The following TDP1 variants were observed in gnomAD, a reference collection of about 807,000 sequenced individuals.
TDP1 encodes the protein tyr-DNA phosphodiesterase 1.
In TDP1, 64 loss-of-function variants were observed where a neutral mutation model predicts 81.5. That is an observed-to-expected ratio of 0.79 (90% CI 0.64 to 0.97). The LOEUF is 0.97. Ranked by LOEUF, TDP1 falls within the 50% of genes least tolerant of loss-of-function variation. The probability of loss-of-function intolerance (pLI) is 0.00; values close to 1 mark genes in which losing one functional copy is unlikely to be tolerated. For missense variants in TDP1, 723 were observed against 743.8 expected (o/e 0.97, Z 0.33); for synonymous variants, 256 against 264.3 (o/e 0.97, Z 0.30).
chr14:89,965,652 G>A (rs1294620942), intron 3 of TDP1: 2 of 349,468 alleles, frequency 5.7e-6, no homozygotes, highest in Non-Finnish European at 8.0e-6. Flanking sequence ...CCAGGAATGT[G>A]AGTTGATAAT....
intron 14 of TDP1, among the ~76,000 whole-genome samples, chr14:90,001,574 C>G (rs1897189134): frequency 6.6e-6 from 1 of 152,180 alleles, no homozygotes; most frequent in Non-Finnish European, 1.5e-5. Context: ...GGCAGATTGG[C>G]TAATATAGTG....
chr14:90,033,826 G>A (rs35445491), intron 16 of TDP1, among the ~76,000 whole-genome samples: 2,882 of 152,292 alleles, frequency 0.019, 88 homozygotes, highest in African/African-American at 0.066. Context: ...CACCCTTGGA[G>A]GCCGAGGCAG....
intron 6 of TDP1, among the ~76,000 whole-genome samples, chr14:89,971,730 A>G (rs34972705): frequency 2.6e-4 from 40 of 152,166 alleles, no homozygotes; most frequent in Admixed American, 2.6e-3. Context: ...GCTTGTCAGT[A>G]TGCCTGTTGA....
intron 14 of TDP1, among the ~76,000 whole-genome samples, chr14:89,996,816 C>A (rs1000425277): frequency 2.0e-5 from 3 of 152,214 alleles, no homozygotes; most frequent in African/African-American, 4.8e-5. Context: ...GCAGACACTT[C>A]TGGTGCTTTA....
chr14:90,017,100 T>A (rs1198002709), intron 14 of TDP1, among the ~76,000 whole-genome samples: 3 of 152,118 alleles, frequency 2.0e-5, no homozygotes, highest in Admixed American at 1.3e-4. Flanking sequence ...ATGGATTCCA[T>A]GTGGAGAACA....
chr14:89,970,279 T>G (rs916448751), intron 5 of TDP1, among the ~76,000 whole-genome samples: 1 of 152,214 alleles, frequency 6.6e-6, no homozygotes, highest in South Asian at 2.1e-4. Context: ...TTATATTATA[T>G]TTGGAATTCA....
At chr14:90,034,133 T>G (rs1424013783) in intron 16 of TDP1, among the ~76,000 whole-genome samples, 1 of 152,204 alleles carries the variant, frequency 6.6e-6, no homozygotes, top group Non-Finnish European at 1.5e-5. Context: ...AGTGGTGTTT[T>G]ATGTTTTTGC....
At position 89,985,112 on chromosome 14, in the gene TDP1, G is replaced by T; in HGVS notation, c.1053-20G>T. On this transcript the variant is annotated intron_variant, in intron 9 of 16. Coordinates refer to ENST00000335725, the MANE Select transcript of TDP1 (RefSeq NM_018319.4). Reference sequence around the variant, plus strand: ...AGCACATCACTATATTTTATAACTTGTGTTTTTATGTCTTTTTAGTGTTTA... The same window carrying T: ...AGCACATCACTATATTTTATAACTTTTGTTTTTATGTCTTTTTAGTGTTTA... 6.3e-7 allele frequency: 1 copy of T among 1,582,300 alleles called. No homozygotes were observed. Among genetic ancestry groups the T allele is most frequent in the Non-Finnish European group, 8.7e-7 (1 of 1,154,070 alleles).
intron 16 of TDP1, among the ~76,000 whole-genome samples, chr14:90,037,188 G>T (rs916202397): frequency 6.6e-6 from 1 of 152,156 alleles, no homozygotes. Flanking sequence ...CCCACTTGCT[G>T]TGTGACCTTG....
intron 7 of TDP1, among the ~76,000 whole-genome samples, chr14:89,978,188 C>T (rs534184367): frequency 2.0e-5 from 3 of 152,208 alleles, no homozygotes; most frequent in African/African-American, 4.8e-5. Flanking sequence ...AAGTGTTCAC[C>T]GTTGCTGCCA....
intron 15 of TDP1, among the ~76,000 whole-genome samples, chr14:90,026,262 A>G (rs1206985817): frequency 6.6e-6 from 1 of 152,146 alleles, no homozygotes; most frequent in Non-Finnish European, 1.5e-5. Flanking sequence ...AATGCTGCCT[A>G]CCTGCCTTGG....
At chr14:90,014,014 C>T (rs566828619) in intron 14 of TDP1, among the ~76,000 whole-genome samples, 9 of 152,094 alleles carry the variant, frequency 5.9e-5, no homozygotes, top group African/African-American at 1.2e-4. Context: ...TTATTAGCTG[C>T]GTGAGAACAG....
At chr14:89,964,979 A>G in intron 3 of TDP1, 1 of 320,630 alleles carries the variant, frequency 3.1e-6, no homozygotes, top group South Asian at 2.5e-5. Context: ...TGTTTGCTAT[A>G]GCACTCTACC....
At chr14:90,037,807 A>G (rs1412623725) in intron 16 of TDP1, among the ~76,000 whole-genome samples, 1 of 152,230 alleles carries the variant, frequency 6.6e-6, no homozygotes, top group Non-Finnish European at 1.5e-5. Flanking sequence ...AAATTTCATC[A>G]GTTTCCTCAA....
chr14:90,001,496 A>G (rs1341301542), intron 14 of TDP1, among the ~76,000 whole-genome samples: 3 of 152,154 alleles, frequency 2.0e-5, no homozygotes, highest in South Asian at 2.1e-4. Context: ...TATAATTATC[A>G]TGCTTCATTT....
chr14:90,036,433 C>G (rs987412649), intron 16 of TDP1, among the ~76,000 whole-genome samples: 1 of 152,118 alleles, frequency 6.6e-6, no homozygotes, highest in African/African-American at 2.4e-5. Flanking sequence ...CCTCTAAGAT[C>G]TTGTCAGTGT....
rs138209691 is a variant in TDP1 at position 89,962,712 on chromosome 14, GA to G, written c.-7-386del. On this transcript the variant is annotated intron_variant, in intron 2 of 16. Transcript: ENST00000335725. ...AAACCCTGTCTCTACCAAAAAAAAA[GA>G]AAAAAAAAATTAGCCAGACGTGATG... Among the ~76,000 whole-genome samples the G allele has an allele frequency of 7.8e-4, 116 of 148,862 alleles. 3 individuals are homozygous for G. In the South Asian group the frequency reaches 0.023, roughly 30 times the overall value.
intron 12 of TDP1, 128 bp downstream of exon 12, chr14:89,989,893 T>C (rs1895996761): frequency 6.6e-6 from 5 of 763,168 alleles, no homozygotes; most frequent in Admixed American, 4.0e-5. Context: ...ATCATGAAAA[T>C]AGGCAATATG....
chr14:90,032,712 G>A, intron 15 of TDP1: 2 of 983,768 alleles, frequency 2.0e-6, no homozygotes, highest in South Asian at 4.7e-5. Flanking sequence ...TCTTACTCCA[G>A]GCAGCCTGTT....
Sources: gnomAD v4.1 joint callset for allele counts (sites outside exome capture counted in the v4.1 genomes callset) on GRCh38, gnomAD v4.1.1 for gene constraint, MANE v1.5 for transcripts, NCBI Gene and HGNC (gene_info 2026-07-23, HGNC 2026-07-21) for gene names.